The following SNTG1 variants were observed in gnomAD, a reference collection of about 807,000 sequenced individuals.
SNTG1 encodes the protein syntrophin gamma 1, also known as gamma-1-syntrophin.
Under a neutral mutation model 74.7 loss-of-function variants are expected in SNTG1, and 39 were observed. The ratio of observed to expected loss-of-function variants is 0.52; its 90% confidence interval spans 0.40 to 0.68. The LOEUF is 0.68. Ranked by LOEUF, SNTG1 falls within the 30% of genes least tolerant of loss-of-function variation. The pLI is 0.00. For synonymous variants in SNTG1, 254 were observed against 217.1 expected (o/e 1.17, Z -1.49); for missense variants, 685 against 609.5 (o/e 1.12, Z -1.30).
At chr8:50,431,062 A>G (rs2093229626) in intron 4 of SNTG1, among the ~76,000 whole-genome samples, 1 of 152,092 alleles carries the variant, frequency 6.6e-6, no homozygotes, top group South Asian at 2.1e-4. Context: ...CCCCTGCCCC[A>G]TCGCTGAGGT....
At chr8:50,061,041 C>T (rs1820426742) in intron 1 of SNTG1, among the ~76,000 whole-genome samples, 1 of 152,066 alleles carries the variant, frequency 6.6e-6, no homozygotes, top group South Asian at 2.1e-4. Flanking sequence ...TTTGGTGTTG[C>T]TACCTGGGTA....
chr8:49,992,389 C>T (rs975411444), intron 1 of SNTG1, among the ~76,000 whole-genome samples: 7 of 152,084 alleles, frequency 4.6e-5, no homozygotes, highest in African/African-American at 1.4e-4. Flanking sequence ...TATTAAGAGT[C>T]CATTTTACAT....
chr8:50,141,446 T>A (rs2081654271), intron 1 of SNTG1, among the ~76,000 whole-genome samples: 1 of 152,174 alleles, frequency 6.6e-6, no homozygotes, highest in African/African-American at 2.4e-5. Context: ...TTCCTAATGA[T>A]TAATAAACAA....
intron 8 of SNTG1, among the ~76,000 whole-genome samples, chr8:50,464,121 C>A (rs1257599560): frequency 6.6e-6 from 1 of 152,130 alleles, no homozygotes; most frequent in Non-Finnish European, 1.5e-5. Flanking sequence ...CTGGATTAGG[C>A]TTTGGATTAA....
intron 13 of SNTG1, among the ~76,000 whole-genome samples, chr8:50,630,330 A>G (rs1425180272): frequency 6.6e-6 from 1 of 152,212 alleles, no homozygotes; most frequent in Non-Finnish European, 1.5e-5. Context: ...AGAAAATAGA[A>G]TGCAGCAATC....
At chr8:50,160,547 G>C (rs13249868) in intron 1 of SNTG1, among the ~76,000 whole-genome samples, 41,880 of 151,730 alleles carry the variant, frequency 0.28, 5,851 homozygotes, top group Middle Eastern at 0.4. Flanking sequence ...AACTAGGATA[G>C]TTTCTAGGAT....
intron 2 of SNTG1, among the ~76,000 whole-genome samples, chr8:50,353,123 G>A (rs1279546715): frequency 6.6e-6 from 1 of 151,988 alleles, no homozygotes; most frequent in Non-Finnish European, 1.5e-5. Context: ...GATAAAGCTG[G>A]AAACCATCAT....
intron 13 of SNTG1, among the ~76,000 whole-genome samples, chr8:50,602,557 T>C (rs1585815135): frequency 6.6e-6 from 1 of 152,330 alleles, no homozygotes; most frequent in Admixed American, 6.5e-5. Context: ...TACAGTGTTA[T>C]AATAGTTTGT....
At chr8:50,043,692 G>T (rs1818835107) in intron 1 of SNTG1, among the ~76,000 whole-genome samples, 1 of 152,170 alleles carries the variant, frequency 6.6e-6, no homozygotes, top group Non-Finnish European at 1.5e-5. Context: ...AGCTTTAACA[G>T]TAAAATTAAA....
intron 18 of SNTG1, among the ~76,000 whole-genome samples, chr8:50,779,712 T>G (rs1024726642): frequency 6.6e-6 from 1 of 151,922 alleles, no homozygotes; most frequent in Non-Finnish European, 1.5e-5. Flanking sequence ...TCCTGCCTAA[T>G]TGCCCTGGCC....
intron 2 of SNTG1, among the ~76,000 whole-genome samples, chr8:50,201,124 T>C (rs1399809962): frequency 2.0e-5 from 3 of 152,158 alleles, no homozygotes; most frequent in Non-Finnish European, 4.4e-5. Flanking sequence ...TTCTCAAGAT[T>C]AAAAACTAGA....
chr8:50,686,625 T>C (rs1468060641), intron 15 of SNTG1, among the ~76,000 whole-genome samples: 1 of 152,120 alleles, frequency 6.6e-6, no homozygotes, highest in Non-Finnish European at 1.5e-5. Context: ...TGTAATGTTT[T>C]ATTTACAATT....
intron 1 of SNTG1, among the ~76,000 whole-genome samples, chr8:50,107,249 G>A (rs2080406761): frequency 6.6e-6 from 1 of 152,084 alleles, no homozygotes; most frequent in Admixed American, 6.6e-5. Context: ...AGTGTAACTT[G>A]GGCAACATGA....
intron 2 of SNTG1, among the ~76,000 whole-genome samples, chr8:50,197,273 A>G (rs766618708): frequency 6.6e-6 from 1 of 152,196 alleles, no homozygotes; most frequent in Non-Finnish European, 1.5e-5. Flanking sequence ...GTATGTGTGA[A>G]TATGTAATAT....
At chr8:49,951,595 C>G (rs1486071711) in intron 1 of SNTG1, among the ~76,000 whole-genome samples, 1 of 146,154 alleles carries the variant, frequency 6.8e-6, no homozygotes, top group Non-Finnish European at 1.5e-5. Flanking sequence ...ATATCACACT[C>G]TGGGGACTGT....
At chr8:50,378,346 T>C (rs896517967) in intron 2 of SNTG1, among the ~76,000 whole-genome samples, 5 of 152,208 alleles carry the variant, frequency 3.3e-5, no homozygotes, top group African/African-American at 1.2e-4. Flanking sequence ...GTCACAGCCC[T>C]GGCTCAGGGA....
intron 3 of SNTG1, among the ~76,000 whole-genome samples, chr8:50,398,804 A>G (rs4535749): frequency 0.92 from 140,408 of 152,120 alleles, 65,393 homozygotes; most frequent in Non-Finnish European, 1. Context: ...CATGGCAGGC[A>G]CCTGTAATCC....
chr8:50,197,227 G>A (rs1362523310), intron 2 of SNTG1, among the ~76,000 whole-genome samples: 1 of 152,080 alleles, frequency 6.6e-6, no homozygotes, highest in Non-Finnish European at 1.5e-5. Context: ...CATCACCACT[G>A]GCCTATGCAA....
chr8:50,741,866 G>A (rs1388677268), intron 17 of SNTG1, among the ~76,000 whole-genome samples: 1 of 152,056 alleles, frequency 6.6e-6, no homozygotes, highest in Admixed American at 6.6e-5. Flanking sequence ...TTGTGGGAAA[G>A]AGAGGGATGA....
Sources: gnomAD v4.1 joint callset for allele counts (sites outside exome capture counted in the v4.1 genomes callset) on GRCh38, gnomAD v4.1.1 for gene constraint, MANE v1.5 for transcripts, NCBI Gene and HGNC (gene_info 2026-07-23, HGNC 2026-07-21) for gene names.